The following HDAC9 variants were observed in gnomAD, a reference collection of about 807,000 sequenced individuals.
HDAC9 encodes MEF-2 interacting transcription repressor (MITR) protein.
Under a neutral mutation model 139.4 loss-of-function variants are expected in HDAC9, and 41 were observed. That is an observed-to-expected ratio of 0.29 (90% CI 0.23 to 0.38). The LOEUF (loss-of-function observed/expected upper bound fraction) is 0.38. Ranked by LOEUF, HDAC9 falls within the 10% of genes least tolerant of loss-of-function variation. HDAC9 has a pLI of 1.00. For missense variants in HDAC9, 1,147 were observed against 1,297.0 expected, an observed-to-expected ratio of 0.88 and a Z score of 1.78; for synonymous variants, 517 against 476.2, an observed-to-expected ratio of 1.09 and a Z score of -1.12.
chr7:18,895,218 A>G (rs1563032161), intron 22 of HDAC9, among the ~76,000 whole-genome samples: 1 of 152,176 alleles, frequency 6.6e-6, no homozygotes, highest in Non-Finnish European at 1.5e-5. Context: ...CATATTCGAT[A>G]GGGCTCAGGC....
At chr7:18,392,954 A>G (rs1554402444) in intron 1 of HDAC9, among the ~76,000 whole-genome samples, 1 of 150,754 alleles carries the variant, frequency 6.6e-6, no homozygotes, top group Non-Finnish European at 1.5e-5. Context: ...GGAAATACTA[A>G]TAAAATAGAC....
chr7:18,115,292 CAAAA>C (rs67773503), intron 1 of HDAC9, among the ~76,000 whole-genome samples: 2 of 130,254 alleles, frequency 1.5e-5, no homozygotes, highest in Admixed American at 7.5e-5. Context: ...GACTCTGTCT[CAAAA>C]AAAAAAAAAA....
At chr7:18,572,857 C>T (rs1006171553) in intron 2 of HDAC9, among the ~76,000 whole-genome samples, 2 of 152,124 alleles carry the variant, frequency 1.3e-5, no homozygotes, top group South Asian at 2.1e-4. Context: ...GCAAACATTG[C>T]GATACTTTAG....
chr7:18,090,266 TATG>T (rs1463871010), intron 1 of HDAC9, among the ~76,000 whole-genome samples: 3 of 152,238 alleles, frequency 2.0e-5, no homozygotes, highest in South Asian at 2.1e-4. Context: ...TCCTGTGTCT[TATG>T]ATAACTTCAT....
intron 1 of HDAC9, among the ~76,000 whole-genome samples, chr7:18,366,174 G>A (rs937073367): frequency 1.3e-5 from 2 of 152,074 alleles, no homozygotes; most frequent in African/African-American, 4.8e-5. Context: ...GAGATAAGGT[G>A]GAGGGAAACT....
chr7:18,948,009 A>G (rs1307103305), intron 23 of HDAC9, among the ~76,000 whole-genome samples: 1 of 152,020 alleles, frequency 6.6e-6, no homozygotes, highest in African/African-American at 2.4e-5. Context: ...TTTTAAAAGC[A>G]GCTGATAAAC....
intron 2 of HDAC9, among the ~76,000 whole-genome samples, chr7:18,526,246 A>G (rs1404666020): frequency 6.6e-6 from 1 of 152,174 alleles, no homozygotes; most frequent in African/African-American, 2.4e-5. Flanking sequence ...CTTGTGTCTT[A>G]AATCATCTTC....
At chr7:18,427,472 G>A (rs1035553796) in intron 1 of HDAC9, among the ~76,000 whole-genome samples, 1 of 151,250 alleles carries the variant, frequency 6.6e-6, no homozygotes, top group Non-Finnish European at 1.5e-5. Context: ...ACTTCCATAT[G>A]TCTAAACACA....
intron 6 of HDAC9, among the ~76,000 whole-genome samples, chr7:18,600,147 G>T (rs544004538): frequency 1.1e-4 from 16 of 151,528 alleles, no homozygotes; most frequent in East Asian, 7.8e-4. Flanking sequence ...TTTTAAATTG[G>T]TTTTTTTCTC....
chr7:18,272,441 C>A (rs1028345675), intron 2 of HDAC9, among the ~76,000 whole-genome samples: 24 of 151,980 alleles, frequency 1.6e-4, no homozygotes, highest in Non-Finnish European at 2.5e-4. Context: ...TATTTCCAGA[C>A]CCTTTATTTA....
intron 2 of HDAC9, among the ~76,000 whole-genome samples, chr7:18,270,878 AAAG>A (rs1322576090): frequency 6.6e-6 from 1 of 152,182 alleles, no homozygotes; most frequent in Admixed American, 6.6e-5. Flanking sequence ...TTTTTAATGA[AAAG>A]AAAAATAAAT....
chr7:18,686,748 C>T (rs751656855), intron 12 of HDAC9, among the ~76,000 whole-genome samples: 27 of 151,688 alleles, frequency 1.8e-4, no homozygotes, highest in Non-Finnish European at 3.2e-4. Context: ...AAACTTTTTC[C>T]TCTTCTCCGT....
chr7:18,824,041 AGAG>A (rs1554367873), intron 17 of HDAC9, among the ~76,000 whole-genome samples: 30 of 113,774 alleles, frequency 2.6e-4, no homozygotes, highest in Admixed American at 1.2e-3. Flanking sequence ...AGGAAGAGGA[AGAG>A]GAAGAAGAAG....
At chr7:18,814,206 T>A (rs7803235) in intron 17 of HDAC9, among the ~76,000 whole-genome samples, 5,083 of 152,294 alleles carry the variant, frequency 0.033, 262 homozygotes, top group African/African-American at 0.11. Flanking sequence ...AACAAAGTCC[T>A]GATATTTTAA....
At chr7:18,752,458 G>T (rs1262837923) in intron 14 of HDAC9, among the ~76,000 whole-genome samples, 1 of 152,114 alleles carries the variant, frequency 6.6e-6, no homozygotes, top group African/African-American at 2.4e-5. Flanking sequence ...GAGAATCAAG[G>T]CTCAAGGGCA....
At chr7:18,407,079 C>G (rs1788078633) in intron 1 of HDAC9, among the ~76,000 whole-genome samples, 1 of 152,136 alleles carries the variant, frequency 6.6e-6, no homozygotes, top group African/African-American at 2.4e-5. Flanking sequence ...CTGAAATCTC[C>G]TGATCTCACT....
intron 12 of HDAC9, among the ~76,000 whole-genome samples, chr7:18,687,315 A>G (rs1360986889): frequency 6.6e-6 from 1 of 151,836 alleles, no homozygotes; most frequent in Non-Finnish European, 1.5e-5. Flanking sequence ...TACTCAATGC[A>G]CTGGCCATGC....
intron 1 of HDAC9, among the ~76,000 whole-genome samples, chr7:18,126,500 A>G (rs543787506): frequency 2.6e-5 from 4 of 152,256 alleles, no homozygotes; most frequent in East Asian, 1.9e-4. Flanking sequence ...TGTGCTTTGT[A>G]TTTTAAGGAA....
upstream of HDAC9, among the ~76,000 whole-genome samples, chr7:18,289,577 CT>C (rs1470623645): frequency 2.0e-5 from 3 of 151,748 alleles, no homozygotes; most frequent in East Asian, 1.9e-4. Flanking sequence ...GGTTTTCAGA[CT>C]TTTTTTTTCT....
Sources: gnomAD v4.1 joint callset for allele counts (sites outside exome capture counted in the v4.1 genomes callset) on GRCh38, gnomAD v4.1.1 for gene constraint, MANE v1.5 for transcripts, NCBI Gene and HGNC (gene_info 2026-07-23, HGNC 2026-07-21) for gene names.